Variants in FBXL7 observed in about 807,000 individuals in gnomAD.
FBXL7 encodes F-box and leucine rich repeat protein 7.
A neutral mutation model predicts 38.3 loss-of-function variants in FBXL7; 12 were observed. The ratio of observed to expected loss-of-function variants is 0.31; its 90% CI spans 0.20 to 0.51. The LOEUF (loss-of-function observed/expected upper bound fraction) is 0.51, where lower values mean the gene tolerates loss of function less well. Among genes scored for constraint, FBXL7 ranks in the 20% least tolerant of loss-of-function variants. The pLI is 0.98. For synonymous variants in FBXL7, 297 were observed against 300.9 expected (o/e 0.99, Z 0.13); for missense variants, 567 against 676.4 (o/e 0.84, Z 1.79).
At chr5:15,900,897 C>T (rs924116658) in intron 2 of FBXL7, among the ~76,000 whole-genome samples, 1 of 152,172 alleles carries the variant, frequency 6.6e-6, no homozygotes, top group African/African-American at 2.4e-5. Flanking sequence ...AAACAGATAA[C>T]TCATAAAAAG....
At chr5:15,847,730 C>T (rs913474978) in intron 2 of FBXL7, among the ~76,000 whole-genome samples, 4 of 152,126 alleles carry the variant, frequency 2.6e-5, no homozygotes, top group African/African-American at 9.7e-5. Flanking sequence ...CTGACCTAAT[C>T]AGGTGAAAGC....
At chr5:15,927,756 C>T (rs1579608651) in intron 2 of FBXL7, 134 bp from the exon 3 acceptor site, 2 of 785,212 alleles carry the variant, frequency 2.5e-6, no homozygotes, top group South Asian at 4.4e-5. Flanking sequence ...GCCTGGGCGA[C>T]AAGATCTTAA....
At chr5:15,829,994 G>A (rs765282079) in intron 2 of FBXL7, among the ~76,000 whole-genome samples, 1 of 152,088 alleles carries the variant, frequency 6.6e-6, no homozygotes, top group African/African-American at 2.4e-5. Context: ...ATTACATGTT[G>A]TGATGACAAA....
chr5:15,839,946 C>T (rs1738699238), intron 2 of FBXL7, among the ~76,000 whole-genome samples: 1 of 152,186 alleles, frequency 6.6e-6, no homozygotes, highest in Admixed American at 6.5e-5. Flanking sequence ...ACATTGATTA[C>T]ATTTAGTTAC....
intron 1 of FBXL7, among the ~76,000 whole-genome samples, chr5:15,607,925 G>A (rs1178219694): frequency 6.6e-6 from 1 of 152,170 alleles, no homozygotes; most frequent in Non-Finnish European, 1.5e-5. Context: ...ATTAAAGAAG[G>A]CACAAAATTT....
At chr5:15,799,104 CA>C (rs1329115248) in intron 2 of FBXL7, among the ~76,000 whole-genome samples, 1 of 152,150 alleles carries the variant, frequency 6.6e-6, no homozygotes, top group Admixed American at 6.5e-5. Context: ...CAAGAGTGAA[CA>C]AGAGTTTTAT....
chr5:15,871,724 A>G (rs1287541783), intron 2 of FBXL7, among the ~76,000 whole-genome samples: 2 of 151,834 alleles, frequency 1.3e-5, no homozygotes, highest in Non-Finnish European at 2.9e-5. Context: ...TCATTAAAGC[A>G]TGAAGACAAG....
intron 2 of FBXL7, among the ~76,000 whole-genome samples, chr5:15,644,006 G>T (rs1741448724): frequency 6.6e-6 from 1 of 152,088 alleles, no homozygotes. Flanking sequence ...CATTAAGAGG[G>T]ATGATGAACC....
At position 15,820,232 on chromosome 5, in the gene FBXL7, C is replaced by G. The variant is rs1348717383; in HGVS notation, c.128-107658C>G. On this transcript the variant is annotated intron_variant, in intron 2 of 3. Coordinates refer to ENST00000504595, the MANE Select transcript of FBXL7 (RefSeq NM_012304.5). ...GCGCCATTCATTATAGGGCTACATT[C>G]ACCACACACTCCCACACTCCAGCCT... Among the ~76,000 whole-genome samples the G allele has an allele frequency of 3.3e-5, 5 of 152,246 alleles. No individual in the cohort carries two copies. The South Asian group carries it at 6.2e-4, about 19-fold the overall frequency.
At chr5:15,748,511 G>A (rs931337455) in intron 2 of FBXL7, among the ~76,000 whole-genome samples, 2 of 152,144 alleles carry the variant, frequency 1.3e-5, no homozygotes, top group Admixed American at 1.3e-4. Context: ...GTAAATGGGA[G>A]TTCCCCTACA....
chr5:15,662,518 C>T (rs1179633414), intron 2 of FBXL7, among the ~76,000 whole-genome samples: 1 of 152,120 alleles, frequency 6.6e-6, no homozygotes, highest in East Asian at 1.9e-4. Flanking sequence ...TTAGATTCCA[C>T]TTTTCAATTT....
intron 2 of FBXL7, among the ~76,000 whole-genome samples, chr5:15,669,838 A>G (rs1325626396): frequency 6.6e-6 from 1 of 152,234 alleles, no homozygotes; most frequent in Non-Finnish European, 1.5e-5. Context: ...TATTGTTTCA[A>G]AATACTTGCT....
intron 2 of FBXL7, among the ~76,000 whole-genome samples, chr5:15,634,372 A>G (rs1042179995): frequency 6.2e-5 from 8 of 128,466 alleles, no homozygotes; most frequent in Non-Finnish European, 1.1e-4. Context: ...CCCAGTCTGG[A>G]GTGCAGCAGT....
In FBXL7 at chr5:15,850,989, C is replaced by T. The variant is rs144769027; in HGVS notation, c.128-76901C>T. Among the ~76,000 whole-genome samples, 6 of 152,328 alleles carry T rather than the reference C, an allele frequency of 3.9e-5. No homozygotes were observed. The East Asian group carries it at 5.8e-4, about 15-fold the overall frequency. ...CCAACTCCTTCCCCTCTCCTAGAGC[C>T]GCTTTGCCTCTTTCCAGACAGGCTC... is the stretch of plus-strand genomic sequence containing the variant. On this transcript the variant is annotated intron_variant, in intron 2 of 3. Coordinates refer to ENST00000504595, the MANE Select transcript of FBXL7 (RefSeq NM_012304.5).
chr5:15,505,515 T>C (rs2126346758), intron 1 of FBXL7, among the ~76,000 whole-genome samples: 1 of 152,296 alleles, frequency 6.6e-6, no homozygotes, highest in South Asian at 2.1e-4. Context: ...CATTCATAAA[T>C]GCTTGTGTGT....
chr5:15,833,323 G>A (rs1478781076), intron 2 of FBXL7, among the ~76,000 whole-genome samples: 2 of 152,020 alleles, frequency 1.3e-5, no homozygotes, highest in African/African-American at 4.8e-5. Context: ...AGCTCTCTGG[G>A]GTCTCTTTGA....
rs139919236 is a variant in FBXL7, at chr5:15,887,658, C to T, written c.128-40232C>T. ...GAGCTAACAAGTACCTCAGTAAACA[C>T]GTAGAGTATTGGAATATTAACTCCG... On this transcript the variant is annotated intron_variant, in intron 2 of 3. Coordinates refer to ENST00000504595, the MANE Select transcript of FBXL7 (RefSeq NM_012304.5). 1.9e-4 allele frequency among the ~76,000 whole-genome samples: 29 copies of T among 152,240 alleles called. 1 individual carries two copies. The highest frequency in any genetic ancestry group is 1.3e-3 in the Admixed American group (20 of 15,292).
chr5:15,790,090 A>G (rs1348455968), intron 2 of FBXL7, among the ~76,000 whole-genome samples: 1 of 152,180 alleles, frequency 6.6e-6, no homozygotes, highest in African/African-American at 2.4e-5. Flanking sequence ...CCCCAAACTC[A>G]TGAAGCTAGG....
chr5:15,859,812 A>G (rs1739399910), intron 2 of FBXL7, among the ~76,000 whole-genome samples: 1 of 152,192 alleles, frequency 6.6e-6, no homozygotes, highest in African/African-American at 2.4e-5. Context: ...CAAGATATCA[A>G]TAGCGCCAAG....
Sources: allele counts gnomAD v4.1 joint callset (sites outside exome capture counted in the v4.1 genomes callset), GRCh38; gene constraint gnomAD v4.1.1; transcripts MANE v1.5; gene names NCBI Gene and HGNC (gene_info 2026-07-23, HGNC 2026-07-21).